Variants in NRG3 observed in about 807,000 individuals in gnomAD.
The protein encoded by NRG3 is pro-neuregulin-3, membrane-bound isoform.
Under a neutral mutation model 66.9 loss-of-function variants are expected in NRG3, and 31 were observed. The ratio of observed to expected loss-of-function variants is 0.46; its 90% CI spans 0.35 to 0.63. The LOEUF is 0.63. Among genes scored for constraint, NRG3 ranks in the 20% least tolerant of loss-of-function variants. The pLI is 0.00. For missense variants in NRG3, 910 were observed against 878.9 expected, an observed-to-expected ratio of 1.04 and a Z score of -0.45; for synonymous variants, 393 against 359.4, an observed-to-expected ratio of 1.09 and a Z score of -1.06.
chr10:82,279,796 A>C (rs909689110), intron 1 of NRG3, among the ~76,000 whole-genome samples: 6 of 152,212 alleles, frequency 3.9e-5, no homozygotes, highest in African/African-American at 1.4e-4. Flanking sequence ...CATGTTTTAC[A>C]GCTTAACTTT....
intron 1 of NRG3, among the ~76,000 whole-genome samples, chr10:81,878,671 A>G (rs371083214): frequency 2.5e-4 from 38 of 152,172 alleles, no homozygotes; most frequent in Middle Eastern, 3.4e-3. Flanking sequence ...CTACCTCCAT[A>G]CTTTAGTGGG....
At chr10:82,248,662 A>G (rs61863012) in intron 1 of NRG3, among the ~76,000 whole-genome samples, 18,518 of 152,230 alleles carry the variant, frequency 0.12, 1,197 homozygotes, top group Non-Finnish European at 0.15. Context: ...TAAGTGCAAC[A>G]TAAGTGCTGC....
intron 2 of NRG3, among the ~76,000 whole-genome samples, chr10:82,652,862 G>A (rs954027434): frequency 3.3e-5 from 5 of 152,166 alleles, no homozygotes; most frequent in East Asian, 3.9e-4. Context: ...ATGTGTGTGA[G>A]ATAATAAATG....
intron 2 of NRG3, among the ~76,000 whole-genome samples, chr10:82,509,627 G>A (rs919034333): frequency 7.2e-5 from 11 of 152,112 alleles, no homozygotes; most frequent in African/African-American, 2.7e-4. Context: ...GGCTCAGAAG[G>A]GGAACTAGGG....
At chr10:82,901,423 T>C (rs1412105542) in intron 4 of NRG3, among the ~76,000 whole-genome samples, 1 of 152,010 alleles carries the variant, frequency 6.6e-6, no homozygotes, top group East Asian at 1.9e-4. Flanking sequence ...GAATATGGAT[T>C]ATGAAGGGAC....
intron 4 of NRG3, among the ~76,000 whole-genome samples, chr10:82,887,143 T>G (rs773387915): frequency 2.0e-5 from 3 of 152,186 alleles, no homozygotes; most frequent in Non-Finnish European, 4.4e-5. Context: ...CAAAGGGTGT[T>G]TGTAAGCTCC....
At chr10:82,542,012 C>T (rs193196208) in intron 2 of NRG3, among the ~76,000 whole-genome samples, 47 of 152,212 alleles carry the variant, frequency 3.1e-4, no homozygotes, top group South Asian at 1.0e-3. Flanking sequence ...CCTATCAACC[C>T]GTCATCTAGC....
chr10:82,126,297 C>T (rs750013162), intron 1 of NRG3, among the ~76,000 whole-genome samples: 14 of 152,026 alleles, frequency 9.2e-5, no homozygotes, highest in Middle Eastern at 6.8e-3. Flanking sequence ...AAATATTATT[C>T]CCTATAATGT....
In NRG3 at chr10:82,219,523, A is replaced by T. The variant is rs183762954; in HGVS notation, c.824-139216A>T. Among the ~76,000 whole-genome samples the T allele has an allele frequency of 3.0e-3, 462 of 152,070 alleles. 5 individuals are homozygous for T. Among genetic ancestry groups the T allele is most frequent in the Non-Finnish European group, 4.2e-3 (288 of 67,986 alleles). On this transcript the variant is annotated intron_variant, in intron 1 of 8. Transcript: ENST00000372141. ...CTGATTTTGTGTTTCTTCTTGCATG[A>T]TTATTTTTTGGGCCCTCAATATATA... is the stretch of plus-strand genomic sequence containing the variant.
At chr10:82,140,231 G>A (rs571677583) in intron 1 of NRG3, among the ~76,000 whole-genome samples, 5 of 151,896 alleles carry the variant, frequency 3.3e-5, no homozygotes, top group East Asian at 3.9e-4. Context: ...ATTATTTTAC[G>A]GATTTCCCTC....
At chr10:82,167,330 G>T (rs761358031) in intron 1 of NRG3, among the ~76,000 whole-genome samples, 1 of 151,808 alleles carries the variant, frequency 6.6e-6, no homozygotes, top group Non-Finnish European at 1.5e-5. Flanking sequence ...TTTATGATTC[G>T]TAGGCTGGAC....
At chr10:82,476,655 C>A (rs561556849) in intron 2 of NRG3, among the ~76,000 whole-genome samples, 36 of 152,022 alleles carry the variant, frequency 2.4e-4, no homozygotes, top group Non-Finnish European at 3.5e-4. Context: ...CAAAAGTAAT[C>A]AAATTCATAG....
intron 1 of NRG3, among the ~76,000 whole-genome samples, chr10:82,242,543 C>T (rs2077051160): frequency 6.6e-6 from 1 of 152,072 alleles, no homozygotes; most frequent in African/African-American, 2.4e-5. Context: ...AGAAAAAAGT[C>T]ATTTATAGGT....
intron 3 of NRG3, among the ~76,000 whole-genome samples, chr10:82,764,575 C>T (rs1430148717): frequency 2.0e-5 from 3 of 151,700 alleles, no homozygotes; most frequent in Admixed American, 2.0e-4. Flanking sequence ...GTTGGCCAGG[C>T]AAGTCTCGAA....
intron 3 of NRG3, among the ~76,000 whole-genome samples, chr10:82,835,874 T>C (rs1178429023): frequency 3.9e-5 from 6 of 152,138 alleles, no homozygotes; most frequent in Non-Finnish European, 8.8e-5. Context: ...TTCAGTCCTG[T>C]ACACTCAGAG....
chr10:81,987,773 G>A (rs1399276982), intron 1 of NRG3, among the ~76,000 whole-genome samples: 1 of 152,172 alleles, frequency 6.6e-6, no homozygotes, highest in Non-Finnish European at 1.5e-5. Context: ...TTATCTTAGA[G>A]CTTTGATATC....
At chr10:81,909,841 TA>T (rs1381156963) in intron 1 of NRG3, among the ~76,000 whole-genome samples, 1 of 152,108 alleles carries the variant, frequency 6.6e-6, no homozygotes, top group Non-Finnish European at 1.5e-5. Context: ...ATAAGACCTT[TA>T]AAGGAAATAT....
chr10:82,088,697 T>G (rs2065861321), intron 1 of NRG3, among the ~76,000 whole-genome samples: 2 of 152,136 alleles, frequency 1.3e-5, no homozygotes, highest in African/African-American at 2.4e-5. Context: ...TTTATCTCCC[T>G]CAGCTCGGTA....
At chr10:82,589,423 A>G (rs1210710944) in intron 2 of NRG3, among the ~76,000 whole-genome samples, 2 of 152,182 alleles carry the variant, frequency 1.3e-5, no homozygotes, top group Non-Finnish European at 1.5e-5. Flanking sequence ...TCAGGCATGT[A>G]GTGTCACTAC....
Sources: allele counts gnomAD v4.1 joint callset (sites outside exome capture counted in the v4.1 genomes callset), GRCh38; gene constraint gnomAD v4.1.1; transcripts MANE v1.5; gene names NCBI Gene and HGNC (gene_info 2026-07-23, HGNC 2026-07-21).